NKAIN3: variants seen among roughly 807,000 people sequenced by gnomAD.
NKAIN3 encodes the protein sodium/potassium transporting ATPase interacting 3, also known as sodium/potassium-transporting ATPase subunit beta-1-interacting protein 3.
In NKAIN3, 25 loss-of-function variants were observed where a neutral mutation model predicts 30.2. The observed-to-expected ratio is 0.83, with a 90% CI of 0.60 to 1.16. The LOEUF (loss-of-function observed/expected upper bound fraction) is 1.16, where lower values mean the gene tolerates loss of function less well. NKAIN3 is among the 50% of genes most tolerant of loss of function. The pLI is 0.00. For synonymous variants in NKAIN3, 91 were observed against 89.6 expected (o/e 1.02, Z -0.09); for missense variants, 225 against 254.1 (o/e 0.89, Z 0.78).
intron 4 of NKAIN3, among the ~76,000 whole-genome samples, chr8:62,912,920 G>T (rs1476700229): frequency 6.6e-6 from 1 of 151,690 alleles, no homozygotes; most frequent in Admixed American, 6.6e-5. Context: ...AAAAAAAAAA[G>T]GAAAGAAAAA....
At chr8:62,556,360 G>A (rs940945765) in intron 1 of NKAIN3, among the ~76,000 whole-genome samples, 1 of 150,836 alleles carries the variant, frequency 6.6e-6, no homozygotes, top group Non-Finnish European at 1.5e-5. Context: ...TGAAACAAAG[G>A]AAAAAATGAA....
chr8:62,907,676 C>T (rs1011562104), intron 4 of NKAIN3, among the ~76,000 whole-genome samples: 8 of 152,152 alleles, frequency 5.3e-5, no homozygotes, highest in African/African-American at 9.7e-5. Context: ...TCAGAGGGTG[C>T]AAGCCCCTAG....
chr8:62,672,087 A>T (rs192242845), intron 3 of NKAIN3, among the ~76,000 whole-genome samples: 1 of 152,308 alleles, frequency 6.6e-6, no homozygotes, highest in East Asian at 1.9e-4. Context: ...AAAAGAAGCT[A>T]TTGGGAAGTG....
chr8:62,292,962 C>G (rs1365338901), intron 1 of NKAIN3, among the ~76,000 whole-genome samples: 1 of 150,632 alleles, frequency 6.6e-6, no homozygotes, highest in Non-Finnish European at 1.5e-5. Context: ...CTTGTCTTCT[C>G]ACTTCATTTC....
At chr8:62,787,027 C>G (rs571192455) in intron 4 of NKAIN3, among the ~76,000 whole-genome samples, 15 of 147,718 alleles carry the variant, frequency 1.0e-4, no homozygotes, top group Admixed American at 9.5e-4. Context: ...GGGATCAATC[C>G]GTTTAGAGAG....
At chr8:62,577,485 T>C (rs541364951) in intron 1 of NKAIN3, among the ~76,000 whole-genome samples, 1 of 147,840 alleles carries the variant, frequency 6.8e-6, no homozygotes, top group Admixed American at 6.8e-5. Flanking sequence ...TTGGTTTTTT[T>C]TTTTGTTTGT....
intron 4 of NKAIN3, among the ~76,000 whole-genome samples, chr8:62,822,370 G>T (rs1236679984): frequency 6.6e-6 from 1 of 152,150 alleles, no homozygotes; most frequent in Non-Finnish European, 1.5e-5. Flanking sequence ...ACATTAATAT[G>T]AGGTAAATTA....
chr8:62,783,376 A>G (rs775133672), intron 4 of NKAIN3, among the ~76,000 whole-genome samples: 8 of 152,108 alleles, frequency 5.3e-5, no homozygotes, highest in Non-Finnish European at 1.0e-4. Flanking sequence ...GCAGAATCCA[A>G]CCATGCTGGC....
chr8:62,576,728 G>A (rs1322127246), intron 1 of NKAIN3, among the ~76,000 whole-genome samples: 2 of 152,098 alleles, frequency 1.3e-5, no homozygotes, highest in Non-Finnish European at 2.9e-5. Flanking sequence ...ACCATAGAAT[G>A]GGGAAGGGAT....
chr8:62,476,789 C>T (rs1218359395), intron 1 of NKAIN3, among the ~76,000 whole-genome samples: 2 of 152,140 alleles, frequency 1.3e-5, no homozygotes, highest in South Asian at 2.1e-4. Context: ...TGCCCTGCCT[C>T]ATATACAGCT....
intron 3 of NKAIN3, among the ~76,000 whole-genome samples, chr8:62,665,101 C>T (rs894255391): frequency 6.6e-6 from 1 of 152,130 alleles, no homozygotes; most frequent in Non-Finnish European, 1.5e-5. Context: ...AAGCTCTACC[C>T]CAAAACTGAG....
intron 4 of NKAIN3, among the ~76,000 whole-genome samples, chr8:62,809,854 G>C (rs1355983102): frequency 6.6e-6 from 1 of 152,148 alleles, no homozygotes; most frequent in East Asian, 1.9e-4. Context: ...GGTAACCTAG[G>C]TCTTCTAATT....
At chr8:62,637,828 A>T (rs1812181773) in intron 3 of NKAIN3, among the ~76,000 whole-genome samples, 1 of 152,156 alleles carries the variant, frequency 6.6e-6, no homozygotes, top group African/African-American at 2.4e-5. Context: ...AAGAACACAC[A>T]GGAACATGTA....
chr8:62,504,033 A>C (rs909135704), intron 1 of NKAIN3, among the ~76,000 whole-genome samples: 3 of 152,218 alleles, frequency 2.0e-5, no homozygotes, highest in Non-Finnish European at 4.4e-5. Context: ...TGAAATCTTC[A>C]CAATTTATAT....
At chr8:62,249,220 G>A (rs1812003252) in intron 1 of NKAIN3, 93 bp downstream of exon 1, 1 of 1,107,102 alleles carries the variant, frequency 9.0e-7, no homozygotes, top group Non-Finnish European at 1.3e-6. Context: ...TCCCGGCAAG[G>A]GGCGAACGGG....
chr8:62,646,751 C>T (rs954944841), intron 3 of NKAIN3, among the ~76,000 whole-genome samples: 3 of 151,814 alleles, frequency 2.0e-5, no homozygotes, highest in Non-Finnish European at 2.9e-5. Context: ...AAAACTATTA[C>T]GGAAACCATG....
chr8:62,367,943 A>T (rs1816789666), intron 1 of NKAIN3, among the ~76,000 whole-genome samples: 1 of 152,124 alleles, frequency 6.6e-6, no homozygotes, highest in South Asian at 2.1e-4. Flanking sequence ...GAACTATCAT[A>T]AAAAGAAAGT....
chr8:62,787,047 C>T (rs1208930876), intron 4 of NKAIN3, among the ~76,000 whole-genome samples: 1 of 152,030 alleles, frequency 6.6e-6, no homozygotes. Flanking sequence ...GCAACAAATG[C>T]AAGAACAGCA....
chr8:62,917,534 G>A (rs1822144928), intron 4 of NKAIN3, among the ~76,000 whole-genome samples: 1 of 152,160 alleles, frequency 6.6e-6, no homozygotes, highest in South Asian at 2.1e-4. Context: ...GCAGTCAAAA[G>A]CCCCAGATAT....
Sources: gnomAD v4.1 joint callset for allele counts (sites outside exome capture counted in the v4.1 genomes callset) on GRCh38, gnomAD v4.1.1 for gene constraint, MANE v1.5 for transcripts, NCBI Gene and HGNC (gene_info 2026-07-23, HGNC 2026-07-21) for gene names.